FUT9: variants seen among roughly 807,000 people sequenced by gnomAD.
The protein encoded by FUT9 is fucosyltransferase 9, also known as 4-galactosyl-N-acetylglucosaminide 3-alpha-L-fucosyltransferase 9.
FUT9 carries 15 observed loss-of-function variants against 29.7 expected under a neutral mutation model. The observed-to-expected ratio is 0.51, with a 90% CI of 0.34 to 0.78. FUT9 has a LOEUF of 0.78. FUT9 is among the 30% of genes least tolerant of loss of function. The pLI is 0.01. For missense variants in FUT9, 319 were observed against 425.4 expected (o/e 0.75, Z 2.20); for synonymous variants, 169 against 153.7 (o/e 1.10, Z -0.74).
At chr6:96,181,155 TATACA>T (rs1448570619) in intron 2 of FUT9, among the ~76,000 whole-genome samples, 1 of 152,080 alleles carries the variant, frequency 6.6e-6, no homozygotes, top group Non-Finnish European at 1.5e-5. Flanking sequence ...TTCAAAATCG[TATACA>T]ATAAACATTA....
chr6:96,043,080 C>G (rs536262551), intron 1 of FUT9, among the ~76,000 whole-genome samples: 6 of 152,110 alleles, frequency 3.9e-5, no homozygotes, highest in South Asian at 2.1e-4. Context: ...TTTTTTTGGT[C>G]TCACTCTGTC....
At chr6:96,075,683 C>A (rs1204662389) in intron 1 of FUT9, among the ~76,000 whole-genome samples, 1 of 151,856 alleles carries the variant, frequency 6.6e-6, no homozygotes, top group Non-Finnish European at 1.5e-5. Flanking sequence ...CATTTTAAAC[C>A]TTTAGATGTT....
At position 96,081,107 on chromosome 6, in the gene FUT9, TATA is replaced by T. The variant is rs899321381; in HGVS notation, c.-97-32928_-97-32926del. On this transcript the variant is annotated intron_variant, in intron 1 of 2. Coordinates refer to ENST00000302103, the MANE Select transcript of FUT9 (RefSeq NM_006581.4). The stretch of plus-strand genomic sequence containing the variant: ...CACACTAGGATTTATTTTTACTAGT[TATA>T]ATATCTGTAAAATATTTCATGAAAG... 7.1e-4 allele frequency among the ~76,000 whole-genome samples: 108 copies of T among 151,990 alleles called. 1 individual carries two copies. The highest frequency in any genetic ancestry group is 2.6e-3 in the African/African-American group (107 of 41,570).
chr6:96,113,711 G>A (rs1044492405), intron 1 of FUT9, among the ~76,000 whole-genome samples: 3 of 151,662 alleles, frequency 2.0e-5, no homozygotes, highest in African/African-American at 7.3e-5. Context: ...AAAATTAGCC[G>A]GGCGTGGTGG....
chr6:96,209,572 T>A lies in FUT9; in HGVS notation c.*5337T>A, dbSNP rs962609360. On this transcript the variant is annotated 3_prime_UTR_variant, in exon 3 of 3. Coordinates refer to ENST00000302103, the MANE Select transcript of FUT9 (RefSeq NM_006581.4). ...TAAAGATATTTATTGATGCAAAAAA[T>A]TTAGGGAGTCATTGGAAATACCTGA... is the stretch of plus-strand genomic sequence containing the variant. The A allele has an allele frequency of 6.0e-6, 1 of 166,872 alleles. No individual in the cohort carries two copies. Among genetic ancestry groups the A allele is most frequent in the Non-Finnish European group, 1.5e-5 (1 of 68,044 alleles). 10.3% of individuals were successfully genotyped at this position (166,872 alleles called of 1,614,324 possible).
intron 2 of FUT9, among the ~76,000 whole-genome samples, chr6:96,197,657 T>G (rs1424264297): frequency 6.6e-6 from 1 of 152,186 alleles, no homozygotes; most frequent in Non-Finnish European, 1.5e-5. Context: ...GTAAATGTAC[T>G]ATACAGTGAC....
chr6:96,128,317 G>C (rs1001211458), intron 2 of FUT9, among the ~76,000 whole-genome samples: 1 of 151,994 alleles, frequency 6.6e-6, no homozygotes, highest in Non-Finnish European at 1.5e-5. Context: ...CATAATAAAA[G>C]AGGCAAATAA....
In FUT9 at chr6:96,056,009, C is replaced by A. The variant is rs144348531; in HGVS notation, c.-98+39797C>A. On this transcript the variant is annotated intron_variant, in intron 1 of 2. Transcript: ENST00000302103. ...GTATATCAAAGTCTTGCATTTTAGT[C>A]TTGCATTTGAAGTCTTCTTCTATTT... Among the ~76,000 whole-genome samples the A allele has an allele frequency of 3.6e-3, 429 of 117,832 alleles. 3 individuals are homozygous for A. The highest frequency in any genetic ancestry group is 6.4e-3 in the Non-Finnish European group (340 of 53,108). The allele number at this position is 117,832 out of a possible 152,430, so 77.3% of individuals were successfully genotyped here. A position where few individuals can be genotyped will look rare whatever the true frequency, so the allele number is the denominator to read the frequency against.
intron 2 of FUT9, among the ~76,000 whole-genome samples, chr6:96,152,019 G>T (rs768988107): frequency 6.6e-6 from 1 of 152,144 alleles, no homozygotes; most frequent in Non-Finnish European, 1.5e-5. Flanking sequence ...CCTGATGCCA[G>T]GGCTTGTAGA....
intron 2 of FUT9, among the ~76,000 whole-genome samples, chr6:96,163,302 G>A (rs913198311): frequency 4.6e-5 from 5 of 107,910 alleles, no homozygotes; most frequent in Admixed American, 1.1e-4. Context: ...TTTTGAAAAC[G>A]AGAGTCTTGC....
chr6:96,026,599 C>A (rs1770173170), intron 1 of FUT9, among the ~76,000 whole-genome samples: 1 of 151,610 alleles, frequency 6.6e-6, no homozygotes, highest in Non-Finnish European at 1.5e-5. Flanking sequence ...CATAATATTT[C>A]TCCAATGCTT....
At chr6:96,146,977 AC>A (rs1023558780) in intron 2 of FUT9, among the ~76,000 whole-genome samples, 2 of 152,102 alleles carry the variant, frequency 1.3e-5, no homozygotes, top group African/African-American at 4.8e-5. Context: ...AAAATACCTT[AC>A]ACACAAATGC....
intron 2 of FUT9, among the ~76,000 whole-genome samples, chr6:96,167,727 C>A (rs747776542): frequency 3.3e-5 from 5 of 152,114 alleles, no homozygotes; most frequent in African/African-American, 4.8e-5. Context: ...AGACTAGTTG[C>A]AACTTGAAAT....
At chr6:96,021,763 A>C (rs1770073623) in intron 1 of FUT9, among the ~76,000 whole-genome samples, 1 of 152,098 alleles carries the variant, frequency 6.6e-6, no homozygotes, top group African/African-American at 2.4e-5. Context: ...ATTACATGTC[A>C]TCTGACCTAG....
rs1033941384 is a variant in FUT9, at chr6:96,213,949, CCACT to C, written c.*9718_*9721del. On this transcript the variant is annotated 3_prime_UTR_variant, in exon 3 of 3. Transcript: ENST00000302103. Reference sequence around the variant, plus strand: ...TGCAGCTTTGGGGACATTTACACTGCCACTCACACACAGGCTCTGTCTCAATCCG... The same window carrying C: ...TGCAGCTTTGGGGACATTTACACTGCCACACACAGGCTCTGTCTCAATCCG... The C allele has an allele frequency of 3.0e-5, 5 of 166,892 alleles. No individual in the cohort carries two copies. The highest frequency in any genetic ancestry group is 9.7e-5 in the African/African-American group (4 of 41,414). 10.3% of individuals were successfully genotyped at this position (166,892 alleles called of 1,614,324 possible).
At chr6:96,167,545 G>GA (rs2127982037) in intron 2 of FUT9, among the ~76,000 whole-genome samples, 1 of 152,318 alleles carries the variant, frequency 6.6e-6, no homozygotes, top group Non-Finnish European at 1.5e-5. Context: ...CTGTGTGCCA[G>GA]AAAATGTCTA....
chr6:96,023,698 A>G lies in FUT9; in HGVS notation c.-98+7486A>G, dbSNP rs146672945. The stretch of plus-strand genomic sequence containing the variant: ...AATAGTTGGGATTATGGGATTAACA[A>G]CTTGATTCAGTTGGTGATAATCCAT... On this transcript the variant is annotated intron_variant, in intron 1 of 2. Transcript: ENST00000302103. 2.6e-5 allele frequency among the ~76,000 whole-genome samples: 4 copies of G among 152,024 alleles called. No individual in the cohort carries two copies. The East Asian group carries it at 7.7e-4, about 29-fold the overall frequency.
At chr6:96,057,450 A>G (rs2493355) in intron 1 of FUT9, among the ~76,000 whole-genome samples, 110,688 of 152,134 alleles carry the variant, frequency 0.73, 41,308 homozygotes, top group African/African-American at 0.91. Context: ...TGAATAATAA[A>G]GAAACAGAAA....
chr6:96,044,231 A>G (rs1770519492), intron 1 of FUT9, among the ~76,000 whole-genome samples: 1 of 152,196 alleles, frequency 6.6e-6, no homozygotes, highest in Non-Finnish European at 1.5e-5. Context: ...CTCTAAATTG[A>G]AAGAGTGATT....
Sources: gnomAD v4.1 joint callset for allele counts (sites outside exome capture counted in the v4.1 genomes callset) on GRCh38, gnomAD v4.1.1 for gene constraint, MANE v1.5 for transcripts, NCBI Gene and HGNC (gene_info 2026-07-23, HGNC 2026-07-21) for gene names.